Variants in NUCB2 observed in about 807,000 individuals in gnomAD.
The protein encoded by NUCB2 is nucleobindin 2.
In NUCB2, 48 loss-of-function variants were observed where a neutral mutation model predicts 57.9. The observed-to-expected ratio is 0.83, with a 90% CI of 0.66 to 1.05. The LOEUF (loss-of-function observed/expected upper bound fraction) is 1.05, where lower values mean the gene tolerates loss of function less well. Ranked by LOEUF, NUCB2 falls within the 50% of genes least tolerant of loss-of-function variation. NUCB2 has a pLI of 0.00. For missense variants in NUCB2, 442 were observed against 476.2 expected (o/e 0.93, Z 0.67); for synonymous variants, 139 against 152.1 (o/e 0.91, Z 0.64).
intron 2 of NUCB2, among the ~76,000 whole-genome samples, chr11:17,289,161 T>C (rs1944512158): frequency 6.6e-6 from 1 of 151,996 alleles, no homozygotes; most frequent in Non-Finnish European, 1.5e-5. Context: ...TTTCATCATG[T>C]TGGCCAGGTT....
intron 13 of NUCB2, 178 bp from the exon 14 acceptor site, chr11:17,331,234 C>A: frequency 1.9e-6 from 1 of 524,354 alleles, no homozygotes; most frequent in Non-Finnish European, 3.4e-6. Flanking sequence ...TGATTTATTT[C>A]AACTTTATTT....
chr11:17,336,189 C>A (rs548096298), downstream of NUCB2, among the ~76,000 whole-genome samples: 164 of 152,008 alleles, frequency 1.1e-3, no homozygotes, highest in African/African-American at 3.7e-3. Flanking sequence ...GTGATCCCCC[C>A]ACCTTGGCCT....
intron 2 of NUCB2, among the ~76,000 whole-genome samples, chr11:17,288,752 G>A (rs1203949787): frequency 4.0e-5 from 6 of 149,700 alleles, no homozygotes; most frequent in Non-Finnish European, 5.9e-5. Flanking sequence ...ATGGGGTTTC[G>A]CCATGTTGGC....
At chr11:17,347,220 A>C (rs1271920911) in intron 2 of NUCB2, among the ~76,000 whole-genome samples, 1 of 152,212 alleles carries the variant, frequency 6.6e-6, no homozygotes. Flanking sequence ...GTGATACACA[A>C]AGGGTTACGT....
At chr11:17,301,992 T>C in intron 5 of NUCB2, 122 bp downstream of exon 5, 1 of 700,532 alleles carries the variant, frequency 1.4e-6, no homozygotes, top group South Asian at 2.1e-5. Context: ...CTTGACCACC[T>C]GGGCTCAAGT....
rs1485112408 is a variant in NUCB2 at position 17,331,970 on chromosome 11, C to T, written c.*551C>T. On this transcript the variant is annotated 3_prime_UTR_variant, in exon 14 of 14. Coordinates refer to ENST00000529010, the MANE Select transcript of NUCB2 (RefSeq NM_005013.4). ...TTCACCTGAATCACTTTTGCTACCA[C>T]TTCAGGTCATTTTTCATTCTTTTTT... The T allele has an allele frequency of 6.6e-6, 1 of 152,208 alleles. No homozygotes were observed. The highest frequency in any genetic ancestry group is 1.5e-5 in the Non-Finnish European group (1 of 68,070). The allele number at this position is 152,208 out of a possible 1,614,324, so 9.4% of individuals were successfully genotyped here.
intron 11 of NUCB2, among the ~76,000 whole-genome samples, chr11:17,324,301 A>G (rs191826746): frequency 5.1e-4 from 78 of 152,094 alleles, no homozygotes; most frequent in African/African-American, 1.7e-3. Context: ...TAATTTTTTC[A>G]TTGACCCACT....
At chr11:17,328,723 G>A (rs550312064) in intron 11 of NUCB2, among the ~76,000 whole-genome samples, 66 of 152,240 alleles carry the variant, frequency 4.3e-4, no homozygotes, top group South Asian at 4.1e-3. Flanking sequence ...GGCCCAAGGC[G>A]AGTCCAGAAA....
chr11:17,347,170 C>G (rs1414254807), intron 2 of NUCB2, among the ~76,000 whole-genome samples: 1 of 152,202 alleles, frequency 6.6e-6, no homozygotes, highest in Non-Finnish European at 1.5e-5. Flanking sequence ...GAAGCAAAGG[C>G]AGGAAGGCTC....
chr11:17,303,577 A>G (rs886766664), intron 5 of NUCB2, among the ~76,000 whole-genome samples: 3 of 152,208 alleles, frequency 2.0e-5, no homozygotes, highest in African/African-American at 7.2e-5. Flanking sequence ...GAATTTCCGA[A>G]ATGCAAGGAT....
intron 2 of NUCB2, 50 bp from the exon 3 acceptor site, chr11:17,295,274 A>G: frequency 6.5e-7 from 1 of 1,532,016 alleles, no homozygotes; most frequent in African/African-American, 1.4e-5. Context: ...GCATGTATAT[A>G]GAGTTAAAAC....
chr11:17,339,198 T>C (rs1458574156), intron 2 of NUCB2, among the ~76,000 whole-genome samples: 1 of 147,594 alleles, frequency 6.8e-6, no homozygotes, highest in Non-Finnish European at 1.5e-5. Flanking sequence ...ATGTTGGTCA[T>C]GCTGGTCTTG....
chr11:17,305,665 A>G (rs1408819253), intron 5 of NUCB2, among the ~76,000 whole-genome samples: 5 of 151,942 alleles, frequency 3.3e-5, no homozygotes, highest in African/African-American at 4.8e-5. Flanking sequence ...TCTGTTGCCC[A>G]GGTTGGAGTA....
At chr11:17,344,154 G>A (rs920107871) in intron 2 of NUCB2, among the ~76,000 whole-genome samples, 2 of 152,150 alleles carry the variant, frequency 1.3e-5, no homozygotes, top group Admixed American at 6.5e-5. Flanking sequence ...GGGCAAATAC[G>A]TAGCAGTCAG....
chr11:17,320,315 A>G (rs1949851674), intron 11 of NUCB2, among the ~76,000 whole-genome samples: 2 of 152,214 alleles, frequency 1.3e-5, no homozygotes, highest in Admixed American at 6.5e-5. Flanking sequence ...AGAATGTACA[A>G]GAAGTTTCAG....
downstream of NUCB2, chr11:17,333,750 C>G (rs2139522123): frequency 6.6e-6 from 1 of 152,318 alleles, no homozygotes; most frequent in Non-Finnish European, 1.5e-5. Flanking sequence ...TTTAGTAGCT[C>G]CCTCAGAGCC....
At chr11:17,302,868 A>G (rs1946981477) in intron 5 of NUCB2, among the ~76,000 whole-genome samples, 2 of 151,594 alleles carry the variant, frequency 1.3e-5, no homozygotes, top group African/African-American at 4.9e-5. Flanking sequence ...GCCTCCCAGT[A>G]GCTGGGACTA....
downstream of NUCB2, among the ~76,000 whole-genome samples, chr11:17,336,419 T>C (rs1591616027): frequency 1.3e-5 from 2 of 152,188 alleles, no homozygotes; most frequent in Admixed American, 6.5e-5. Context: ...TAATTAAAAT[T>C]AGATTCTGAA....
intron 2 of NUCB2, among the ~76,000 whole-genome samples, chr11:17,287,671 T>G (rs1037606437): frequency 4.4e-5 from 3 of 68,132 alleles, no homozygotes; most frequent in African/African-American, 2.8e-4. Flanking sequence ...AAACTCCACC[T>G]CAAAAAAAAA....
Sources: allele counts gnomAD v4.1 joint callset (sites outside exome capture counted in the v4.1 genomes callset), GRCh38; gene constraint gnomAD v4.1.1; transcripts MANE v1.5; gene names NCBI Gene and HGNC (gene_info 2026-07-23, HGNC 2026-07-21).